Variants in PTPN18 observed in about 807,000 individuals in gnomAD.
PTPN18 encodes tyrosine-protein phosphatase non-receptor type 18.
A neutral mutation model predicts 65.4 loss-of-function variants in PTPN18; 65 were observed. The ratio of observed to expected loss-of-function variants is 0.99; its 90% CI spans 0.81 to 1.22. The LOEUF is 1.22. PTPN18 is among the 50% of genes most tolerant of loss of function. PTPN18 has a pLI of 0.00. For synonymous variants in PTPN18, 255 were observed against 267.8 expected, an observed-to-expected ratio of 0.95 and a Z score of 0.47; for missense variants, 616 against 646.5, an observed-to-expected ratio of 0.95 and a Z score of 0.51.
At chr2:130,362,782 A>G (rs1680259090) in intron 5 of PTPN18, among the ~76,000 whole-genome samples, 1 of 152,010 alleles carries the variant, frequency 6.6e-6, no homozygotes, top group Non-Finnish European at 1.5e-5. Flanking sequence ...TATATTCCTG[A>G]GCTATGCAAC....
chr2:130,359,542 C>A, intron 4 of PTPN18, 50 bp downstream of exon 4: 1 of 1,612,568 alleles, frequency 6.2e-7, no homozygotes, highest in Non-Finnish European at 8.5e-7. Context: ...TCTAAGTACC[C>A]CCTCGGCAGT....
chr2:130,367,385 C>T (rs1680419484), intron 5 of PTPN18, among the ~76,000 whole-genome samples: 1 of 152,044 alleles, frequency 6.6e-6, no homozygotes, highest in South Asian at 2.1e-4. Flanking sequence ...AAGATTTTCT[C>T]TTCTGGGGCC....
intron 13 of PTPN18, 81 bp from the exon 14 acceptor site, chr2:130,372,792 G>T: frequency 6.5e-7 from 1 of 1,530,550 alleles, no homozygotes; most frequent in Admixed American, 1.7e-5. Flanking sequence ...GGGCCTCCGG[G>T]GAAGCGTCCC....
intron 5 of PTPN18, among the ~76,000 whole-genome samples, chr2:130,367,939 T>C (rs1680438301): frequency 6.6e-6 from 1 of 152,210 alleles, no homozygotes; most frequent in African/African-American, 2.4e-5. Context: ...ACTGATTCTT[T>C]TTCATTTTTT....
At chr2:130,372,781 C>T (rs1446115801) in intron 13 of PTPN18, 92 bp from the exon 14 acceptor site, 11 of 1,466,368 alleles carry the variant, frequency 7.5e-6, no homozygotes, top group Non-Finnish European at 1.9e-6. Flanking sequence ...CTCTCCCCTT[C>T]GGGCCTCCGG....
At chr2:130,361,045 T>C (rs1021901012) in intron 5 of PTPN18, among the ~76,000 whole-genome samples, 19 of 152,196 alleles carry the variant, frequency 1.2e-4, no homozygotes, top group Non-Finnish European at 2.4e-4. Context: ...CAATGTGTAT[T>C]CTGCTTTGGT....
At chr2:130,361,269 A>T (rs1283067543) in intron 5 of PTPN18, among the ~76,000 whole-genome samples, 1 of 151,844 alleles carries the variant, frequency 6.6e-6, no homozygotes, top group Non-Finnish European at 1.5e-5. Flanking sequence ...ATTTCTGACA[A>T]TTTTTTTTGT....
chr2:130,369,403 T>C (rs1680480715), intron 6 of PTPN18, among the ~76,000 whole-genome samples: 4 of 152,238 alleles, frequency 2.6e-5, no homozygotes. Context: ...GTCATGTAAA[T>C]GTGCCTGGTT....
In PTPN18 at chr2:130,359,364, C is replaced by T. The variant is rs1414972139; in HGVS notation, c.280-33C>T. 3.7e-6 allele frequency: 6 copies of T among 1,613,950 alleles called. No homozygotes were observed. The Admixed American group carries it at 5.0e-5, about 13-fold the overall frequency. Reference sequence around the variant, plus strand: ...ACTGGGAGTGGCCAGGGGTGGGCCGCAGAATCTCAGTCGTGAATTCGGCCT... The same window carrying T: ...ACTGGGAGTGGCCAGGGGTGGGCCGTAGAATCTCAGTCGTGAATTCGGCCT... On this transcript the variant is annotated intron_variant, in intron 3 of 14. Transcript: ENST00000175756.
chr2:130,370,822 A>G (rs1385837618), intron 10 of PTPN18, 40 bp downstream of exon 10: 6 of 1,611,968 alleles, frequency 3.7e-6, no homozygotes, highest in Middle Eastern at 3.3e-4. Flanking sequence ...ACAGTGGCCC[A>G]CTGCTGTCAT....
intron 6 of PTPN18, among the ~76,000 whole-genome samples, chr2:130,369,443 A>G (rs1680482154): frequency 6.6e-6 from 1 of 152,202 alleles, no homozygotes; most frequent in Non-Finnish European, 1.5e-5. Flanking sequence ...TTCTCTTACC[A>G]TTTCAAAAGA....
At chr2:130,366,009 C>T (rs1680369400) in intron 5 of PTPN18, among the ~76,000 whole-genome samples, 1 of 152,124 alleles carries the variant, frequency 6.6e-6, no homozygotes, top group Admixed American at 6.5e-5. Context: ...ATGAGTCTTC[C>T]AAATTTGTTC....
Position 130,359,593 on chromosome 2 carries a change from A to G in PTPN18, c.376-15A>G, listed in dbSNP as rs149855055. 771 of 1,613,568 alleles carry G rather than the reference A, an allele frequency of 4.8e-4. 4 individuals are homozygous for G. The African/African-American group carries it at 8.9e-3, about 19-fold the overall frequency. On this transcript the variant is annotated splice_polypyrimidine_tract_variant and intron_variant, in intron 4 of 14. Transcript: ENST00000175756. ...ACCCAAATCACCTTCCTCTCCCCTG[A>G]CCCTCCTTGTCTAGGTGATCCTGAT...
At position 130,369,342 on chromosome 2, in the gene PTPN18, C is replaced by A. The variant is rs11890352; in HGVS notation, c.483+141C>A. The A allele has an allele frequency of 0.034, 25,774 of 755,182 alleles. 4,745 individuals carry two copies. The African/African-American group carries it at 0.4, about 12-fold the overall frequency. 46.8% of individuals were successfully genotyped at this position (755,182 alleles called of 1,614,324 possible). A position where few individuals can be genotyped will look rare whatever the true frequency, so the allele number is the denominator to read the frequency against. On this transcript the variant is annotated intron_variant, in intron 6 of 14. Coordinates refer to ENST00000175756, the MANE Select transcript of PTPN18 (RefSeq NM_014369.4). ...TTAGCCTGCAAATAGTTAGAACTTA[C>A]TATAGGGATAGCCTTTGCATTTTTA...
At chr2:130,357,125 T>C (rs1307122159) in intron 1 of PTPN18, among the ~76,000 whole-genome samples, 1 of 152,022 alleles carries the variant, frequency 6.6e-6, no homozygotes, top group Non-Finnish European at 1.5e-5. Context: ...GAGGCAGAGG[T>C]TGCAGTGAGC....
At position 130,371,194 on chromosome 2, in the gene PTPN18, T is replaced by C. The variant is rs775121798; in HGVS notation, c.925-5T>C. ...TCAGGAGCCTCCCCTCCTGTTTTTC[T>C]TCAGAATTGTGCCCCACTCTACGAC... On this transcript the variant is annotated splice_polypyrimidine_tract_variant and splice_region_variant and intron_variant, in intron 11 of 14. Coordinates refer to ENST00000175756, the MANE Select transcript of PTPN18 (RefSeq NM_014369.4). 1 of 1,602,018 alleles carries C rather than the reference T, an allele frequency of 6.2e-7. No individual in the cohort carries two copies. Among genetic ancestry groups the C allele is most frequent in the South Asian group, 1.1e-5 (1 of 90,788 alleles).
Position 130,371,268 on chromosome 2 carries a change from C to T in PTPN18, c.994C>T (p.Pro332Ser). ...CCAGGCACTTCTCGCCATACCCCGC[C>T]CACCAGGAGGGGTCCTCAGGTACCC... Reference protein sequence around the residue: ...TPQALLAIPRPPGGVLRSISV... With the variant: ...TPQALLAIPRSPGGVLRSISV... Residue 332 changes from proline (P) to serine (S), a missense_variant, in exon 12 of 15, where the codon CCA becomes TCA. Around this residue, in one of 3 missense-constraint regions of PTPN18, gnomAD observed 368 missense variants for 386.7 expected, o/e 0.95. Coordinates refer to ENST00000175756, the MANE Select transcript of PTPN18 (RefSeq NM_014369.4). 1 of 1,605,474 alleles carries T rather than the reference C, an allele frequency of 6.2e-7. No homozygotes were observed. Among genetic ancestry groups the T allele is most frequent in the Non-Finnish European group, 8.5e-7 (1 of 1,175,478 alleles).
chr2:130,359,926 A>C, intron 5 of PTPN18: 2 of 478,856 alleles, frequency 4.2e-6, no homozygotes, highest in East Asian at 3.7e-5. Context: ...CTCTCTTTCC[A>C]CCTCTCTTCC....
rs1032984942 is a variant in PTPN18 at position 130,373,143 on chromosome 2, CCTT to C, written c.1316-8_1316-6del. ...AGCTTCTCCATGAGACCCACGGCACCCTTCTTCTCCCAGGTTTCAACCTGCGCA... is the reference window on the plus strand; with the variant it reads ...AGCTTCTCCATGAGACCCACGGCACCCTTCTCCCAGGTTTCAACCTGCGCA... On this transcript the variant is annotated splice_polypyrimidine_tract_variant and intron_variant, in intron 14 of 14. Transcript: ENST00000175756. This position sits in a 1 kb window ranked among gnomAD's most constrained non-coding sequence, Gnocchi z 4.1. 41 of 1,565,690 alleles carry C rather than the reference CCTT, an allele frequency of 2.6e-5. No homozygotes were observed. Among genetic ancestry groups the C allele is most frequent in the African/African-American group, 4.1e-5 (3 of 73,248 alleles).
Sources: gnomAD v4.1 joint callset for allele counts (sites outside exome capture counted in the v4.1 genomes callset) on GRCh38, gnomAD v4.1.1 for gene constraint, gnomAD v4.1.1 regional missense constraint, Gnocchi (gnomAD v3.1) non-coding constraint, MANE v1.5 for transcripts, NCBI Gene and HGNC (gene_info 2026-07-23, HGNC 2026-07-21) for gene names.